SPOCK1: variants seen among roughly 807,000 people sequenced by gnomAD.
SPOCK1 encodes testican-1.
In SPOCK1, 23 loss-of-function variants were observed where a neutral mutation model predicts 55.3. That is an observed-to-expected ratio of 0.42 (90% CI 0.30 to 0.59). SPOCK1 has a LOEUF of 0.59. Among genes scored for constraint, SPOCK1 ranks in the 20% least tolerant of loss-of-function variants. The pLI, the probability that SPOCK1 is intolerant of heterozygous loss-of-function variation, is 0.22. For missense variants in SPOCK1, 499 were observed against 552.5 expected (o/e 0.90, Z 0.97); for synonymous variants, 226 against 221.0 (o/e 1.02, Z -0.20).
At chr5:137,425,963 GA>G (rs33927619) in intron 2 of SPOCK1, among the ~76,000 whole-genome samples, 44,733 of 108,928 alleles carry the variant, frequency 0.41, 6,946 homozygotes, top group Middle Eastern at 0.5. Flanking sequence ...GTACATTACA[GA>G]AAAAAAAAAA....
chr5:137,105,147 T>TTGC (rs1328439025), intron 5 of SPOCK1, among the ~76,000 whole-genome samples: 1 of 152,190 alleles, frequency 6.6e-6, no homozygotes, highest in Non-Finnish European at 1.5e-5. Flanking sequence ...ACTTGCCTAA[T>TTGC]TGCTGCTGCT....
chr5:137,205,717 T>C (rs1290403503), intron 3 of SPOCK1, among the ~76,000 whole-genome samples: 3 of 152,200 alleles, frequency 2.0e-5, no homozygotes, highest in African/African-American at 7.2e-5. Context: ...TCTTACTTGT[T>C]ACAAACAGAC....
At chr5:137,355,253 C>T (rs1243223463) in intron 2 of SPOCK1, among the ~76,000 whole-genome samples, 1 of 152,138 alleles carries the variant, frequency 6.6e-6, no homozygotes, top group African/African-American at 2.4e-5. Context: ...AGTGCAGTGG[C>T]ACTACCATGG....
chr5:137,378,638 C>T (rs548352497), intron 2 of SPOCK1, among the ~76,000 whole-genome samples: 1 of 152,204 alleles, frequency 6.6e-6, no homozygotes, highest in Non-Finnish European at 1.5e-5. Flanking sequence ...TCTTTTTGAG[C>T]AAATCAGCTG....
chr5:137,429,954 G>A (rs756627993), intron 2 of SPOCK1, among the ~76,000 whole-genome samples: 1 of 152,244 alleles, frequency 6.6e-6, no homozygotes, highest in South Asian at 2.1e-4. Flanking sequence ...AGACGTGGCT[G>A]TTCTAGGACA....
At chr5:137,053,821 T>A (rs2126999103) in intron 6 of SPOCK1, among the ~76,000 whole-genome samples, 2 of 152,294 alleles carry the variant, frequency 1.3e-5, no homozygotes, top group Middle Eastern at 6.8e-3. Context: ...AAGACTTTAC[T>A]TGCATTTCAC....
chr5:137,453,468 TG>T (rs1219428944), intron 2 of SPOCK1, among the ~76,000 whole-genome samples: 2 of 152,138 alleles, frequency 1.3e-5, no homozygotes, highest in Non-Finnish European at 2.9e-5. Context: ...CAAGAAAACT[TG>T]GGCCCAAAAT....
intron 2 of SPOCK1, among the ~76,000 whole-genome samples, chr5:137,353,058 T>C (rs1366268076): frequency 6.6e-6 from 1 of 152,148 alleles, no homozygotes; most frequent in Non-Finnish European, 1.5e-5. Flanking sequence ...AAGACAGAGA[T>C]GAAAAACCTT....
chr5:137,107,521 C>G (rs537530310), intron 5 of SPOCK1, among the ~76,000 whole-genome samples: 18 of 152,302 alleles, frequency 1.2e-4, no homozygotes, highest in African/African-American at 3.4e-4. Flanking sequence ...TTTATAGTGT[C>G]TGAATAAACA....
intron 5 of SPOCK1, among the ~76,000 whole-genome samples, chr5:137,091,049 G>C (rs1386821683): frequency 1.3e-5 from 2 of 152,178 alleles, no homozygotes; most frequent in African/African-American, 4.8e-5. Context: ...TCAATGGCCA[G>C]GAGGCAAAGG....
At chr5:137,128,783 A>C (rs1253315727) in intron 4 of SPOCK1, among the ~76,000 whole-genome samples, 1 of 152,188 alleles carries the variant, frequency 6.6e-6, no homozygotes, top group African/African-American at 2.4e-5. Flanking sequence ...ATCTGAGTTC[A>C]ACCCTCCCCC....
chr5:137,231,026 C>G (rs1756044035), intron 3 of SPOCK1, among the ~76,000 whole-genome samples: 1 of 149,240 alleles, frequency 6.7e-6, no homozygotes. Context: ...TCCATCACCA[C>G]AAGGATCCCT....
intron 2 of SPOCK1, among the ~76,000 whole-genome samples, chr5:137,484,276 C>A (rs188180924): frequency 7.3e-4 from 111 of 152,334 alleles, no homozygotes; most frequent in Non-Finnish European, 1.4e-3. Context: ...ACAACCAGTT[C>A]AAAGGGCTCT....
intron 3 of SPOCK1, among the ~76,000 whole-genome samples, chr5:137,178,971 T>C (rs1754914961): frequency 2.0e-5 from 3 of 152,204 alleles, no homozygotes; most frequent in Non-Finnish European, 4.4e-5. Context: ...GAGCAGGTAC[T>C]TGGATAACAA....
chr5:137,159,318 A>C (rs1178720305), intron 3 of SPOCK1, among the ~76,000 whole-genome samples: 1 of 152,206 alleles, frequency 6.6e-6, no homozygotes, highest in African/African-American at 2.4e-5. Flanking sequence ...AATACCTTAG[A>C]GTTGACAATG....
intron 2 of SPOCK1, among the ~76,000 whole-genome samples, chr5:137,436,730 A>T (rs143517260): frequency 4.1e-4 from 62 of 152,314 alleles, no homozygotes; most frequent in African/African-American, 1.5e-3. Context: ...ACAGAGAGAA[A>T]CTGGCAGCAC....
chr5:137,218,648 C>T (rs1755764616), intron 3 of SPOCK1, among the ~76,000 whole-genome samples: 1 of 152,194 alleles, frequency 6.6e-6, no homozygotes, highest in African/African-American at 2.4e-5. Flanking sequence ...AGTTGTATGA[C>T]TCAGCTACAT....
intron 2 of SPOCK1, among the ~76,000 whole-genome samples, chr5:137,413,977 T>C (rs1752276942): frequency 6.6e-6 from 1 of 152,162 alleles, no homozygotes. Flanking sequence ...AACAAATATA[T>C]GTGCACTTAC....
At chr5:137,369,535 G>A (rs1751152792) in intron 2 of SPOCK1, among the ~76,000 whole-genome samples, 1 of 152,222 alleles carries the variant, frequency 6.6e-6, no homozygotes, top group South Asian at 2.1e-4. Flanking sequence ...TGACCTGGGT[G>A]TGCCACTTAC....
Sources: allele counts gnomAD v4.1 joint callset (sites outside exome capture counted in the v4.1 genomes callset), GRCh38; gene constraint gnomAD v4.1.1; transcripts MANE v1.5; gene names NCBI Gene and HGNC (gene_info 2026-07-23, HGNC 2026-07-21).